CPN1: variants seen among roughly 807,000 people sequenced by gnomAD.
The protein encoded by CPN1 is carboxypeptidase N catalytic chain.
In CPN1, 37 loss-of-function variants were observed where a neutral mutation model predicts 46.4. The observed-to-expected ratio is 0.80, with a 90% CI of 0.61 to 1.05. CPN1 has a LOEUF of 1.05. Ranked by LOEUF, CPN1 falls within the 50% of genes least tolerant of loss-of-function variation. The probability of loss-of-function intolerance (pLI) is 0.00; values close to 1 mark genes in which losing one functional copy is unlikely to be tolerated. For synonymous variants in CPN1, 224 were observed against 235.4 expected (o/e 0.95, Z 0.44); for missense variants, 563 against 602.6 (o/e 0.93, Z 0.69).
rs191123818 is a variant in CPN1, at chr10:100,069,776, A to G, written c.514T>C (p.Tyr172His). The change falls in exon 3 of 9, where the codon TAT becomes CAT. Residue 172 changes from tyrosine to histidine, a missense_variant. Tyr to His is a moderately conservative substitution (Grantham distance 83). Coordinates refer to ENST00000370418, the MANE Select transcript of CPN1 (RefSeq NM_001308.3). ...NFPDLNTYIY[Y>H]NEKYGGPNHH... ...TTGGGGCCTCCGTACTTCTCGTTATAGTAGATATAGGTATTGAGATCAGGG... is the reference window on the plus strand; with the variant it reads ...TTGGGGCCTCCGTACTTCTCGTTATGGTAGATATAGGTATTGAGATCAGGG... 1.2e-6 allele frequency: 2 copies of G among 1,613,794 alleles called. No individual in the cohort carries two copies. Among genetic ancestry groups the G allele is most frequent in the African/African-American group, 2.7e-5 (2 of 74,824 alleles).
At chr10:100,052,190 C>T (rs1264448254) in intron 7 of CPN1, among the ~76,000 whole-genome samples, 1 of 152,116 alleles carries the variant, frequency 6.6e-6, no homozygotes, top group Non-Finnish European at 1.5e-5. Context: ...CCTGCCTCAG[C>T]CTCCTGAGTA....
chr10:100,055,116 T>C (rs766089297), intron 6 of CPN1, among the ~76,000 whole-genome samples: 2 of 151,570 alleles, frequency 1.3e-5, no homozygotes, highest in Non-Finnish European at 2.9e-5. Context: ...TGGGCGCCTG[T>C]AATCCTAGCT....
intron 1 of CPN1, among the ~76,000 whole-genome samples, chr10:100,076,753 C>G (rs1316382188): frequency 6.6e-6 from 1 of 152,070 alleles, no homozygotes; most frequent in East Asian, 1.9e-4. Context: ...TTTCCCCACT[C>G]CCTCCCACCC....
chr10:100,080,261 C>G (rs977686834), intron 1 of CPN1, among the ~76,000 whole-genome samples: 2 of 152,138 alleles, frequency 1.3e-5, no homozygotes, highest in African/African-American at 4.8e-5. Flanking sequence ...TTAGAAACAA[C>G]TTAAATGTCC....
At position 100,048,757 on chromosome 10, in the gene CPN1, C is replaced by T. The variant is rs913024568; in HGVS notation, c.1230+1G>A. 2.5e-6 allele frequency: 4 copies of T among 1,607,004 alleles called. No individual in the cohort carries two copies. In the African/African-American group the frequency reaches 5.4e-5, roughly 21 times the overall value. Reference sequence around the variant, plus strand: ...GCACCGTCAAGCTCAGCCTAACTCACCAACGTTGGTTCCGCAGGACCCACG... The same window carrying T: ...GCACCGTCAAGCTCAGCCTAACTCATCAACGTTGGTTCCGCAGGACCCACG... On this transcript the variant is annotated splice_donor_variant, in intron 8 of 8. Transcript: ENST00000370418. LOFTEE classifies it high-confidence loss of function.
chr10:100,057,992 G>A (rs1400473868), intron 5 of CPN1, among the ~76,000 whole-genome samples: 1 of 152,066 alleles, frequency 6.6e-6, no homozygotes. Context: ...GAAACATCCA[G>A]CACCCCCTTC....
chr10:100,047,504 G>T (rs1476166440), intron 8 of CPN1, among the ~76,000 whole-genome samples: 1 of 152,216 alleles, frequency 6.6e-6, no homozygotes, highest in African/African-American at 2.4e-5. Context: ...GGCCTTGCTA[G>T]ATTTCTTCAC....
chr10:100,072,386 G>A (rs1360864744), intron 2 of CPN1, among the ~76,000 whole-genome samples: 1 of 152,036 alleles, frequency 6.6e-6, no homozygotes, highest in Admixed American at 6.6e-5. Context: ...TGTTGCCTAC[G>A]CTGGTCTCAA....
chr10:100,075,993 C>T lies in CPN1; in HGVS notation c.338G>A (p.Arg113His), dbSNP rs1214849079. 7 of 1,614,018 alleles carry T rather than the reference C, an allele frequency of 4.3e-6. No individual in the cohort carries two copies. The highest frequency in any genetic ancestry group is 1.7e-5 in the Admixed American group (1 of 59,998). The change falls in exon 2 of 9, where the codon CGC (arginine) becomes CAC (histidine). Residue 113 changes from arginine (R) to histidine (H), a missense_variant. By Grantham distance (29) the Arg-to-His change is conservative. Transcript: ENST00000370418. The part of the protein sequence containing the change: ...LCEEFRNRNQ[R>H]IVQLIQDTRI... Reference sequence around the variant, plus strand: ...CGTGTCCTGGATGAGCTGGACGATGCGCTGGTTCCTGTTCCGGAACTCCTC... The same window carrying T: ...CGTGTCCTGGATGAGCTGGACGATGTGCTGGTTCCTGTTCCGGAACTCCTC...
chr10:100,081,370 C>T (rs376709188), intron 1 of CPN1, 33 bp downstream of exon 1: 50 of 1,586,956 alleles, frequency 3.2e-5, no homozygotes, highest in Non-Finnish European at 3.7e-5. Context: ...AAGGCCCTGC[C>T]CCACACACCC....
chr10:100,073,490 C>T (rs1361503520), intron 2 of CPN1, among the ~76,000 whole-genome samples: 1 of 152,068 alleles, frequency 6.6e-6, no homozygotes, highest in Non-Finnish European at 1.5e-5. Context: ...TGGTTTAAAA[C>T]AGCACGAGTG....
intron 6 of CPN1, among the ~76,000 whole-genome samples, chr10:100,055,357 C>G (rs7090203): frequency 4.6e-4 from 70 of 151,620 alleles, no homozygotes; most frequent in South Asian, 1.0e-3. Context: ...TATCCCCCCC[C>G]CCAGCCCCTG....
chr10:100,063,705 A>C lies in CPN1; in HGVS notation c.780T>G (p.Tyr260Ter). ...AACCTTGGAACATCCATCCATGTGC[A>C]TAGGAGTAGACCTTGGCCAGCTAGA... ...LFQKLAKVYS[Y>*]AHGWMFQGWN... Residue 260 changes from tyrosine to a stop codon, truncating the protein, a stop_gained, in exon 5 of 9, where the codon TAT (tyrosine) becomes TAG (stop). Transcript: ENST00000370418. LOFTEE classifies it high-confidence loss of function. The C allele has an allele frequency of 6.2e-7, 1 of 1,614,062 alleles. No individual in the cohort carries two copies. Among genetic ancestry groups the C allele is most frequent in the Non-Finnish European group, 8.5e-7 (1 of 1,179,936 alleles).
chr10:100,081,094 G>A (rs1277178705), intron 1 of CPN1, among the ~76,000 whole-genome samples: 1 of 152,102 alleles, frequency 6.6e-6, no homozygotes, highest in African/African-American at 2.4e-5. Context: ...ATAGTAAGGG[G>A]AAAAGAAAGG....
intron 1 of CPN1, among the ~76,000 whole-genome samples, chr10:100,077,588 T>G (rs866390856): frequency 1.3e-5 from 2 of 152,242 alleles, no homozygotes; most frequent in Middle Eastern, 6.8e-3. Context: ...GCCTTAGCAG[T>G]GTACATAATT....
At chr10:100,048,959 T>A in intron 7 of CPN1, 83 bp from the exon 8 acceptor site, 1 of 1,156,282 alleles carries the variant, frequency 8.6e-7, no homozygotes, top group Admixed American at 1.7e-5. Flanking sequence ...ACTACAAGGT[T>A]GGCTTTTCTT....
chr10:100,074,751 A>G (rs1257835147), intron 2 of CPN1, among the ~76,000 whole-genome samples: 1 of 152,028 alleles, frequency 6.6e-6, no homozygotes, highest in Non-Finnish European at 1.5e-5. Flanking sequence ...CTTTTAAAGG[A>G]ACATCTCCAT....
chr10:100,048,715 T>A (rs780260254), intron 8 of CPN1, 43 bp downstream of exon 8: 2 of 1,347,480 alleles, frequency 1.5e-6, no homozygotes, highest in Non-Finnish European at 2.1e-6. Context: ...AAAGACTGTA[T>A]AAGTGATCTC....
Position 100,081,442 on chromosome 10 carries a change from C to A in CPN1, c.184G>T (p.Val62Leu). 1.2e-6 allele frequency: 2 copies of A among 1,613,704 alleles called. No homozygotes were observed. Among genetic ancestry groups the A allele is most frequent in the Non-Finnish European group, 1.7e-6 (2 of 1,180,028 alleles). Residue 62 changes from valine (V) to leucine (L), a missense_variant, in exon 1 of 9, where the codon GTG (valine) becomes TTG (leucine). Physicochemically the swap from Val to Leu is conservative, Grantham distance 32. Transcript: ENST00000370418. Reference sequence around the variant, plus strand: ...CCAGGGTGGTCGCTGAACTCCAGCACGTAGAGGTGTCTCCCCTCCACGCTG... The same window carrying A: ...CCAGGGTGGTCGCTGAACTCCAGCAAGTAGAGGTGTCTCCCCTCCACGCTG... ...GRSVEGRHLYVLEFSDHPGIH... is the reference protein window; with the variant it reads ...GRSVEGRHLYLLEFSDHPGIH...
Sources: gnomAD v4.1 joint callset for allele counts (sites outside exome capture counted in the v4.1 genomes callset) on GRCh38, gnomAD v4.1.1 for gene constraint, MANE v1.5 for transcripts, NCBI Gene and HGNC (gene_info 2026-07-23, HGNC 2026-07-21) for gene names.